The following TSHZ3 variants were observed in gnomAD, a reference collection of about 807,000 sequenced individuals.
TSHZ3 encodes the protein teashirt homolog 3.
A neutral mutation model predicts 64.5 loss-of-function variants in TSHZ3; 10 were observed. The observed-to-expected ratio is 0.16, with a 90% CI of 0.10 to 0.26. TSHZ3 has a LOEUF of 0.26. TSHZ3 is among the 10% of genes least tolerant of loss of function. The pLI is 1.00. For missense variants in TSHZ3, 1,242 were observed against 1,421.7 expected, an observed-to-expected ratio of 0.87 and a Z score of 2.03; for synonymous variants, 608 against 593.1, an observed-to-expected ratio of 1.03 and a Z score of -0.36.
intron 5 of TSHZ3, among the ~76,000 whole-genome samples, chr19:31,182,053 T>C (rs1286644251): frequency 1.3e-5 from 2 of 152,158 alleles, no homozygotes; most frequent in African/African-American, 4.8e-5. Context: ...CCCATATGGA[T>C]TGAGGCATCC....
At chr19:31,156,729 G>A (rs1166542057) in intron 5 of TSHZ3, among the ~76,000 whole-genome samples, 1 of 151,962 alleles carries the variant, frequency 6.6e-6, no homozygotes, top group African/African-American at 2.4e-5. Flanking sequence ...AAGATAAAGT[G>A]CAATATGCTT....
chr19:31,305,607 T>G (rs1359474707), intron 1 of TSHZ3: 2 of 152,278 alleles, frequency 1.3e-5, no homozygotes, highest in South Asian at 2.1e-4. Flanking sequence ...GAACCCCTTA[T>G]GGAGTTTGTG....
chr19:31,325,109 ATAGG>A (rs1370787316), intron 1 of TSHZ3, among the ~76,000 whole-genome samples: 1 of 152,210 alleles, frequency 6.6e-6, no homozygotes, highest in African/African-American at 2.4e-5. Flanking sequence ...GGAACTAAAC[ATAGG>A]TAGTATACGG....
intron 4 of TSHZ3, among the ~76,000 whole-genome samples, chr19:31,213,929 C>T (rs1025434876): frequency 2.6e-5 from 4 of 152,136 alleles, no homozygotes; most frequent in East Asian, 1.9e-4. Flanking sequence ...TTTCAAATTG[C>T]GACAATTTAG....
At chr19:31,162,578 G>A (rs769822109) in intron 5 of TSHZ3, among the ~76,000 whole-genome samples, 7 of 151,986 alleles carry the variant, frequency 4.6e-5, no homozygotes, top group African/African-American at 1.7e-4. Context: ...CACAGCACAC[G>A]TCATTTTTTG....
chr19:31,201,655 G>A (rs1975088691), intron 5 of TSHZ3, among the ~76,000 whole-genome samples: 1 of 152,152 alleles, frequency 6.6e-6, no homozygotes, highest in Admixed American at 6.5e-5. Flanking sequence ...GAACTAATGT[G>A]GGCTTCACGA....
chr19:31,320,716 C>CT (rs1315456973), intron 1 of TSHZ3, among the ~76,000 whole-genome samples: 1 of 152,224 alleles, frequency 6.6e-6, no homozygotes, highest in Non-Finnish European at 1.5e-5. Flanking sequence ...GCGCCTGAGT[C>CT]TGCAGTGCAC....
chr19:31,221,949 C>T (rs886696166), intron 4 of TSHZ3, among the ~76,000 whole-genome samples: 3 of 152,160 alleles, frequency 2.0e-5, no homozygotes, highest in African/African-American at 7.2e-5. Flanking sequence ...TCTCTTCAGC[C>T]CCAGGACTTT....
chr19:31,248,529 C>T (rs925084037), intron 1 of TSHZ3, among the ~76,000 whole-genome samples: 2 of 151,984 alleles, frequency 1.3e-5, no homozygotes, highest in Admixed American at 6.5e-5. Flanking sequence ...GGGTCCAAGG[C>T]CGGGAGCAGT....
chr19:31,251,923 C>T (rs1452433585), intron 1 of TSHZ3, among the ~76,000 whole-genome samples: 1 of 152,190 alleles, frequency 6.6e-6, no homozygotes, highest in Non-Finnish European at 1.5e-5. Context: ...CAGAGCTCCC[C>T]TCTGCAGTCC....
chr19:31,269,823 C>G (rs1368666924), intron 1 of TSHZ3, among the ~76,000 whole-genome samples: 1 of 152,216 alleles, frequency 6.6e-6, no homozygotes, highest in Non-Finnish European at 1.5e-5. Flanking sequence ...TGGCCTCCCC[C>G]GCTGATGCCT....
chr19:31,246,916 T>A (rs1975764328), intron 1 of TSHZ3, among the ~76,000 whole-genome samples: 1 of 152,066 alleles, frequency 6.6e-6, no homozygotes, highest in Non-Finnish European at 1.5e-5. Flanking sequence ...GAAGCCAATT[T>A]GCAGAGACTC....
At chr19:31,329,588 G>A (rs1479576246) in intron 1 of TSHZ3, among the ~76,000 whole-genome samples, 5 of 152,188 alleles carry the variant, frequency 3.3e-5, no homozygotes, top group African/African-American at 4.8e-5. Context: ...ATAAAATAGT[G>A]TTTTTAAATG....
intron 5 of TSHZ3, among the ~76,000 whole-genome samples, chr19:31,170,330 A>AG (rs1248334666): frequency 6.6e-6 from 1 of 152,122 alleles, no homozygotes; most frequent in African/African-American, 2.4e-5. Context: ...TCTCCTTATA[A>AG]GGGCACTAAT....
At chr19:31,236,197 T>C (rs1275051697) in intron 3 of TSHZ3, among the ~76,000 whole-genome samples, 1 of 152,178 alleles carries the variant, frequency 6.6e-6, no homozygotes, top group African/African-American at 2.4e-5. Context: ...TATTTTTAGT[T>C]TTTTGAGGAA....
intron 1 of TSHZ3, among the ~76,000 whole-genome samples, chr19:31,333,274 C>T (rs1335228375): frequency 6.6e-6 from 1 of 152,106 alleles, no homozygotes; most frequent in Admixed American, 6.5e-5. Flanking sequence ...TGCAGCTGCC[C>T]TCCCTAACAC....
At chr19:31,213,643 G>T (rs1341525197) in intron 4 of TSHZ3, among the ~76,000 whole-genome samples, 1 of 152,164 alleles carries the variant, frequency 6.6e-6, no homozygotes, top group Non-Finnish European at 1.5e-5. Context: ...TGGTAACGGG[G>T]TGATTGCATG....
At chr19:31,236,169 T>C (rs1975611474) in intron 3 of TSHZ3, among the ~76,000 whole-genome samples, 1 of 152,168 alleles carries the variant, frequency 6.6e-6, no homozygotes, top group South Asian at 2.1e-4. Context: ...ATGCGACAGG[T>C]CTATTTTAGT....
At chr19:31,345,742 C>T (rs1917572897) in intron 1 of TSHZ3, among the ~76,000 whole-genome samples, 1 of 152,066 alleles carries the variant, frequency 6.6e-6, no homozygotes, top group South Asian at 2.1e-4. Flanking sequence ...TCACATTTGC[C>T]TCCAGAAAAT....
Sources: allele counts gnomAD v4.1 joint callset (sites outside exome capture counted in the v4.1 genomes callset), GRCh38; gene constraint gnomAD v4.1.1; transcripts MANE v1.5; gene names NCBI Gene and HGNC (gene_info 2026-07-23, HGNC 2026-07-21).